Variants in CCDC171 observed in about 807,000 individuals in gnomAD.
The protein encoded by CCDC171 is coiled-coil domain-containing protein 171.
Under a neutral mutation model 168.2 loss-of-function variants are expected in CCDC171, and 177 were observed. The observed-to-expected ratio is 1.05, with a 90% CI of 0.93 to 1.19. The LOEUF (loss-of-function observed/expected upper bound fraction) is 1.19. Ranked by LOEUF, CCDC171 falls within the 50% of genes most tolerant of loss-of-function variation. CCDC171 has a pLI of 0.00. For missense variants in CCDC171, 1,991 were observed against 1,539.0 expected (o/e 1.29, Z -4.91); for synonymous variants, 687 against 540.8 (o/e 1.27, Z -3.75).
chr9:15,727,851 C>CT lies in CCDC171; in HGVS notation c.1693-8dup, dbSNP rs754157197. 4.7e-3 allele frequency: 6,217 copies of CT among 1,314,080 alleles called. No homozygotes were observed. Among genetic ancestry groups the CT allele is most frequent in the South Asian group, 0.01 (733 of 70,200 alleles). 81.4% of individuals were successfully genotyped at this position (1,314,080 alleles called of 1,614,324 possible). On this transcript the variant is annotated splice_polypyrimidine_tract_variant and intron_variant, in intron 14 of 25. Transcript: ENST00000380701. ...TGTTTATATACAGCAATTAATTTTT[C>CT]TTTTTTTTTTCCTGCAGGAGAAGCT...
chr9:15,886,073 A>C (rs573903954), intron 24 of CCDC171: 1 of 152,298 alleles, frequency 6.6e-6, no homozygotes, highest in Non-Finnish European at 1.5e-5. Context: ...GGATATCCAC[A>C]TGCAAAAGAA....
In CCDC171 at chr9:15,907,746, C is replaced by T. The variant is rs201212435; in HGVS notation, c.3601-12524C>T. Among the ~76,000 whole-genome samples, 150 of 152,228 alleles carry T rather than the reference C, an allele frequency of 9.9e-4. 2 individuals carry two copies. The South Asian group carries it at 0.027, about 27-fold the overall frequency. On this transcript the variant is annotated intron_variant, in intron 24 of 25. Transcript: ENST00000380701. ...AACCTACAGAATGGGAGAAAATTTT[C>T]GCAATCTAGTCATCTGACAAAGGGC...
At position 15,623,463 on chromosome 9, in the gene CCDC171, ATGCGCG is replaced by A. The variant is rs1413989773; in HGVS notation, c.822+51_822+56del. The A allele has an allele frequency of 2.1e-3, 1,367 of 635,994 alleles. 140 individuals carry two copies. The highest frequency in any genetic ancestry group is 0.013 in the Admixed American group (453 of 34,542). 39.4% of individuals were successfully genotyped at this position (635,994 alleles called of 1,614,324 possible). A position where few individuals can be genotyped will look rare whatever the true frequency, so the allele number is the denominator to read the frequency against. On this transcript the variant is annotated intron_variant, in intron 7 of 25. Transcript: ENST00000380701. Reference sequence around the variant, plus strand: ...TATATATGCGTACAAACTTTCACATATGCGCGCGCGCGCACACACACACACACACAC... The same window carrying A: ...TATATATGCGTACAAACTTTCACATACGCGCGCACACACACACACACACAC...
At chr9:15,646,200 G>C (rs1272845793) in intron 7 of CCDC171, among the ~76,000 whole-genome samples, 2 of 152,158 alleles carry the variant, frequency 1.3e-5, no homozygotes, top group Non-Finnish European at 2.9e-5. Flanking sequence ...CAAATGCTGA[G>C]AGATTTTGTC....
intron 8 of CCDC171, among the ~76,000 whole-genome samples, chr9:15,658,716 G>C (rs943450321): frequency 6.6e-6 from 1 of 152,102 alleles, no homozygotes; most frequent in African/African-American, 2.4e-5. Flanking sequence ...CCAGGAATGT[G>C]GGTGGCCTCC....
rs535492869 is a variant in CCDC171 at position 15,901,085 on chromosome 9, G to T, written c.3601-19185G>T. 2.0e-5 allele frequency among the ~76,000 whole-genome samples: 3 copies of T among 152,062 alleles called. No individual in the cohort carries two copies. The East Asian group carries it at 5.8e-4, about 29-fold the overall frequency. ...AAATATGCTCCATAACATAGAAAAAGAAAATTTTAAAGGTATGATTTTTAA... is the reference window on the plus strand; with the variant it reads ...AAATATGCTCCATAACATAGAAAAATAAAATTTTAAAGGTATGATTTTTAA... On this transcript the variant is annotated intron_variant, in intron 24 of 25. Transcript: ENST00000380701.
Position 15,784,649 on chromosome 9 carries a change from C to T in CCDC171, c.3222C>T (p.Ser1074=). ...TGAATTATAAACTTGAATTGCACTC[C>T]AGTGAGGAAGCTGACAAAAACCAAA... ...QELNYKLELH[S]SEEADKNQTL... is the part of the protein sequence containing the mutation. The change falls in exon 21 of 26, where the codon TCC becomes TCT. Residue 1074 remains serine, a synonymous_variant. Transcript: ENST00000380701. 1 of 1,613,180 alleles carries T rather than the reference C, an allele frequency of 6.2e-7. No individual in the cohort carries two copies. The highest frequency in any genetic ancestry group is 8.5e-7 in the Non-Finnish European group (1 of 1,179,522).
At chr9:15,652,540 C>G (rs1018673321) in intron 7 of CCDC171, among the ~76,000 whole-genome samples, 1 of 151,782 alleles carries the variant, frequency 6.6e-6, no homozygotes, top group Non-Finnish European at 1.5e-5. Context: ...AAGCCATTCT[C>G]TCACCTTAGC....
chr9:15,646,671 T>C (rs1311667196), intron 7 of CCDC171, among the ~76,000 whole-genome samples: 1 of 152,074 alleles, frequency 6.6e-6, no homozygotes, highest in Non-Finnish European at 1.5e-5. Flanking sequence ...TACATAATGG[T>C]AAAGGGATCA....
intron 7 of CCDC171, among the ~76,000 whole-genome samples, chr9:15,641,498 G>A (rs1219742576): frequency 6.6e-6 from 1 of 152,116 alleles, no homozygotes; most frequent in East Asian, 1.9e-4. Flanking sequence ...TTTGGAAGAG[G>A]CCCATGGAAA....
intron 18 of CCDC171, among the ~76,000 whole-genome samples, chr9:15,766,295 AT>A (rs1422440280): frequency 2.6e-5 from 4 of 152,118 alleles, no homozygotes; most frequent in Non-Finnish European, 5.9e-5. Context: ...GCCAACATTC[AT>A]GAAATTTGTT....
intron 25 of CCDC171, among the ~76,000 whole-genome samples, chr9:15,970,892 C>T (rs571855388): frequency 3.3e-5 from 5 of 152,232 alleles, no homozygotes; most frequent in Non-Finnish European, 5.9e-5. Context: ...AACTACCAGT[C>T]GGGGACTGTG....
In CCDC171 at chr9:15,666,249, T is replaced by C; in HGVS notation, c.1002T>C (p.Asn334=). The change falls in exon 9 of 26, where the codon AAT becomes AAC. Residue 334 remains asparagine, a synonymous_variant. Coordinates refer to ENST00000380701, the MANE Select transcript of CCDC171 (RefSeq NM_173550.4). ...EAVADLEIIK[N]EFKEVESAYE... ...TTGCTGATTTGGAAATTATCAAGAA[T>C]GAATTCAAAGAAGTTGAAAGTGCAT... 1.2e-6 allele frequency: 2 copies of C among 1,613,850 alleles called. No homozygotes were observed. Among genetic ancestry groups the C allele is most frequent in the Non-Finnish European group, 1.7e-6 (2 of 1,179,854 alleles).
chr9:15,703,917 T>C (rs2052003070), intron 11 of CCDC171, among the ~76,000 whole-genome samples: 1 of 152,164 alleles, frequency 6.6e-6, no homozygotes, highest in African/African-American at 2.4e-5. Flanking sequence ...ATAATAACAT[T>C]AAAGATCACT....
At chr9:15,757,692 T>A (rs1017397193) in intron 18 of CCDC171, among the ~76,000 whole-genome samples, 1 of 151,644 alleles carries the variant, frequency 6.6e-6, no homozygotes, top group African/African-American at 2.4e-5. Context: ...AGGCCCAGAG[T>A]CTTAGGAGAA....
downstream of CCDC171, among the ~76,000 whole-genome samples, chr9:16,065,243 T>C (rs1485845286): frequency 6.6e-6 from 1 of 152,218 alleles, no homozygotes; most frequent in African/African-American, 2.4e-5. Flanking sequence ...CTGAGCTGGC[T>C]TCTAGTGACA....
At chr9:15,778,643 CAA>C (rs527592822) in intron 19 of CCDC171, among the ~76,000 whole-genome samples, 17 of 58,794 alleles carry the variant, frequency 2.9e-4, no homozygotes, top group African/African-American at 8.7e-4. Flanking sequence ...AAGACTGTCT[CAA>C]AAAAAAAAAA....
At chr9:16,052,680 C>T (rs780361785) in intron 1 of CCDC171, among the ~76,000 whole-genome samples, 3 of 151,970 alleles carry the variant, frequency 2.0e-5, no homozygotes, top group Non-Finnish European at 4.4e-5. Context: ...GTAGAGTCCG[C>T]CCTCTATTTG....
At chr9:15,798,045 C>G (rs78780351) in intron 21 of CCDC171, among the ~76,000 whole-genome samples, 3,259 of 152,084 alleles carry the variant, frequency 0.021, 125 homozygotes, top group African/African-American at 0.074. Context: ...AATTGCTGTG[C>G]CTTTATAGGA....
Sources: gnomAD v4.1 joint callset for allele counts (sites outside exome capture counted in the v4.1 genomes callset) on GRCh38, gnomAD v4.1.1 for gene constraint, MANE v1.5 for transcripts, NCBI Gene and HGNC (gene_info 2026-07-23, HGNC 2026-07-21) for gene names.